The following VPS13B variants were observed in gnomAD, a reference collection of about 807,000 sequenced individuals.
The protein encoded by VPS13B is intermembrane lipid transfer protein VPS13B.
Under a neutral mutation model 426.4 loss-of-function variants are expected in VPS13B, and 285 were observed. That is an observed-to-expected ratio of 0.67 (90% CI 0.61 to 0.74). The LOEUF is 0.74. Among genes scored for constraint, VPS13B ranks in the 30% least tolerant of loss-of-function variants. VPS13B has a pLI of 0.00. For synonymous variants in VPS13B, 1,676 were observed against 1,676.4 expected (o/e 1.00, Z 0.01); for missense variants, 4,537 against 4,782.6 (o/e 0.95, Z 1.51).
chr8:99,212,666 T>TTCCTACCTTC (rs1424488833), intron 17 of VPS13B, among the ~76,000 whole-genome samples: 3 of 152,112 alleles, frequency 2.0e-5, no homozygotes, highest in South Asian at 2.1e-4. Context: ...TCTTTTTCTC[T>TTCCTACCTTC]TCTTCTTCCT....
chr8:99,122,015 C>A (rs1008059277), intron 8 of VPS13B, among the ~76,000 whole-genome samples: 1 of 150,004 alleles, frequency 6.7e-6, no homozygotes, highest in Non-Finnish European at 1.5e-5. Flanking sequence ...CTGTGCCCAG[C>A]TAATTTTTTT....
At chr8:99,453,762 A>C (rs1374428395) in intron 23 of VPS13B, among the ~76,000 whole-genome samples, 1 of 152,142 alleles carries the variant, frequency 6.6e-6, no homozygotes, top group Non-Finnish European at 1.5e-5. Flanking sequence ...TCATAGCAAA[A>C]TTGAGAGGAG....
intron 39 of VPS13B, among the ~76,000 whole-genome samples, chr8:99,742,292 G>A (rs1239737114): frequency 6.6e-6 from 1 of 152,158 alleles, no homozygotes; most frequent in Non-Finnish European, 1.5e-5. Flanking sequence ...TTGAATCTCT[G>A]AATAGACCAA....
intron 17 of VPS13B, among the ~76,000 whole-genome samples, chr8:99,215,913 T>A (rs1815368050): frequency 6.6e-6 from 1 of 152,200 alleles, no homozygotes; most frequent in South Asian, 2.1e-4. Context: ...AAGCAGGCTT[T>A]CCAAAGGATA....
At chr8:99,853,421 G>A (rs200888438) in intron 55 of VPS13B, 30 bp from the exon 56 acceptor site, 2 of 1,610,378 alleles carry the variant, frequency 1.2e-6, no homozygotes, top group East Asian at 4.5e-5. Flanking sequence ...TGAGTGGGGG[G>A]ACTAATGTTC....
chr8:99,308,927 G>A (rs1820796599), intron 19 of VPS13B, among the ~76,000 whole-genome samples: 1 of 152,094 alleles, frequency 6.6e-6, no homozygotes, highest in Admixed American at 6.6e-5. Context: ...TTCTCTGATG[G>A]CCAGTGATGG....
At chr8:99,127,589 T>A (rs1212115447) in intron 8 of VPS13B, among the ~76,000 whole-genome samples, 1 of 152,210 alleles carries the variant, frequency 6.6e-6, no homozygotes, top group Non-Finnish European at 1.5e-5. Context: ...TCATTTCTCA[T>A]CAGCTTTATT....
intron 16 of VPS13B, among the ~76,000 whole-genome samples, chr8:99,179,890 G>A (rs1235722631): frequency 6.6e-6 from 1 of 151,958 alleles, no homozygotes; most frequent in Non-Finnish European, 1.5e-5. Flanking sequence ...TGACAATCAA[G>A]TTCTATCTCC....
chr8:99,349,332 C>CAAAAAAAAAA (rs35441676), intron 19 of VPS13B, among the ~76,000 whole-genome samples: 140 of 46,722 alleles, frequency 3.0e-3, no homozygotes, highest in Non-Finnish European at 3.5e-3. Context: ...GACTCCGTCT[C>CAAAAAAAAAA]AAAAAAAAAA....
At chr8:99,272,700 T>G (rs79626159) in intron 17 of VPS13B, among the ~76,000 whole-genome samples, 1,931 of 152,332 alleles carry the variant, frequency 0.013, 46 homozygotes, top group African/African-American at 0.044. Context: ...CTTCTGTGCT[T>G]TTATATCCTT....
intron 3 of VPS13B, among the ~76,000 whole-genome samples, chr8:99,047,612 A>T (rs1292927941): frequency 6.6e-6 from 1 of 151,806 alleles, no homozygotes; most frequent in Non-Finnish European, 1.5e-5. Context: ...TTGAGGTGTG[A>T]CTTTAGATCA....
At chr8:99,506,255 T>G (rs1270202971) in intron 27 of VPS13B, among the ~76,000 whole-genome samples, 1 of 152,208 alleles carries the variant, frequency 6.6e-6, no homozygotes, top group Non-Finnish European at 1.5e-5. Context: ...ATGATAATTA[T>G]TTTTGTCATA....
intron 30 of VPS13B, among the ~76,000 whole-genome samples, chr8:99,542,555 G>A (rs1371569793): frequency 6.6e-6 from 1 of 152,094 alleles, no homozygotes; most frequent in Non-Finnish European, 1.5e-5. Context: ...TTGTTATTGG[G>A]GCATAATGAG....
chr8:99,159,786 A>T (rs1283368953), intron 15 of VPS13B, among the ~76,000 whole-genome samples: 1 of 152,082 alleles, frequency 6.6e-6, no homozygotes, highest in Non-Finnish European at 1.5e-5. Flanking sequence ...CAGTCTCCCA[A>T]GTACTGGGAC....
At chr8:99,352,965 A>G (rs990892989) in intron 19 of VPS13B, among the ~76,000 whole-genome samples, 1 of 152,106 alleles carries the variant, frequency 6.6e-6, no homozygotes, top group Non-Finnish European at 1.5e-5. Flanking sequence ...TTTACTTAAA[A>G]ACAAACAAAA....
At position 99,745,679 on chromosome 8, in the gene VPS13B, C is replaced by G. The variant is rs189870333; in HGVS notation, c.7051-21095C>G. Reference sequence around the variant, plus strand: ...CCCTCATGGATAAGGAAGGACTACTCTATATAGAAGTAGAGAGATTAGTGT... The same window carrying G: ...CCCTCATGGATAAGGAAGGACTACTGTATATAGAAGTAGAGAGATTAGTGT... On this transcript the variant is annotated intron_variant, in intron 39 of 61. Coordinates refer to ENST00000357162, the MANE Select transcript of VPS13B (RefSeq NM_152564.5). 3.3e-5 allele frequency among the ~76,000 whole-genome samples: 5 copies of G among 152,166 alleles called. No homozygotes were observed. In the East Asian group the frequency reaches 9.6e-4, roughly 29 times the overall value.
Position 99,327,303 on chromosome 8 carries a change from G to A in VPS13B, c.2824+52049G>A, listed in dbSNP as rs1378995819. Among the ~76,000 whole-genome samples, 3 of 152,112 alleles carry A rather than the reference G, an allele frequency of 2.0e-5. No individual in the cohort carries two copies. In the East Asian group the frequency reaches 5.8e-4, roughly 29 times the overall value. ...CAATGACTAACCAAATATTATTAAA[G>A]AACAGTGATTTTATTTGGGATTTCA... On this transcript the variant is annotated intron_variant, in intron 19 of 61. Transcript: ENST00000357162.
chr8:99,634,261 G>C (rs1394098943), intron 33 of VPS13B, among the ~76,000 whole-genome samples: 1 of 151,902 alleles, frequency 6.6e-6, no homozygotes, highest in African/African-American at 2.4e-5. Flanking sequence ...CACTGATAAT[G>C]ATCTAGGTGT....
chr8:99,105,531 A>T (rs1347005177), intron 5 of VPS13B, among the ~76,000 whole-genome samples: 6 of 152,112 alleles, frequency 3.9e-5, no homozygotes, highest in Non-Finnish European at 8.8e-5. Flanking sequence ...GGCGCCTGCC[A>T]GCATGCCTGG....
Sources: allele counts gnomAD v4.1 joint callset (sites outside exome capture counted in the v4.1 genomes callset), GRCh38; gene constraint gnomAD v4.1.1; transcripts MANE v1.5; gene names NCBI Gene and HGNC (gene_info 2026-07-23, HGNC 2026-07-21).